ZNF546: variants seen among roughly 807,000 people sequenced by gnomAD.
ZNF546 encodes zinc finger protein 546, also known as CTC-471F3.6.
Under a neutral mutation model 76.2 loss-of-function variants are expected in ZNF546, and 60 were observed. The observed-to-expected ratio is 0.79, with a 90% CI of 0.64 to 0.98. ZNF546 has a LOEUF of 0.98. ZNF546 is among the 50% of genes least tolerant of loss of function. The pLI, the probability that ZNF546 is intolerant of heterozygous loss-of-function variation, is 0.00. For synonymous variants in ZNF546, 277 were observed against 328.1 expected (o/e 0.84, Z 1.68); for missense variants, 936 against 1,035.6 (o/e 0.90, Z 1.32).
chr19:40,007,274 G>T lies in ZNF546; in HGVS notation c.172G>T (p.Val58Leu). Residue 58 changes from valine (V) to leucine (L), a missense_variant and splice_region_variant, in exon 5 of 7, where the codon GTA becomes TTA. By Grantham distance (32) the Val-to-Leu change is conservative (BLOSUM62 1). Transcript: ENST00000347077. ...SSCGSKTMANVSLAFRDVSID... is the reference protein window; with the variant it reads ...SSCGSKTMANLSLAFRDVSID... ...TTAATACATAGGCTTGTCATTTCAG[G>T]TATCTTTGGCATTTAGGGATGTGTC... 1 of 1,533,670 alleles carries T rather than the reference G, an allele frequency of 6.5e-7. No homozygotes were observed. Among genetic ancestry groups the T allele is most frequent in the Non-Finnish European group, 8.8e-7 (1 of 1,138,522 alleles).
chr19:40,015,601 TA>T lies in ZNF546; in HGVS notation c.2334del (p.Lys778AsnfsTer58). ...TAGTTCACACGGGTGAGAAACCCTATAAATGTAAAGAATGTGGGAAAGCCTT... is the reference window on the plus strand; with the variant it reads ...TAGTTCACACGGGTGAGAAACCCTATAATGTAAAGAATGTGGGAAAGCCTT... ...HIVHTGEKPY[K>X]CKECGKAFSV... On this transcript the variant is annotated frameshift_variant, in exon 7 of 7. Transcript: ENST00000347077. LOFTEE classifies it high-confidence loss of function. 6.2e-7 allele frequency: 1 copy of T among 1,613,796 alleles called. No individual in the cohort carries two copies. Among genetic ancestry groups the T allele is most frequent in the South Asian group, 1.1e-5 (1 of 91,050 alleles).
At position 40,018,585 on chromosome 19, in the gene ZNF546, T is replaced by C. The variant is rs1340481900; in HGVS notation, c.*2804T>C. 4 of 152,228 alleles carry C rather than the reference T, an allele frequency of 2.6e-5. No homozygotes were observed. The highest frequency in any genetic ancestry group is 9.6e-5 in the African/African-American group (4 of 41,454). The allele number at this position is 152,228 out of a possible 1,614,324, so 9.4% of individuals were successfully genotyped here. A position where few individuals can be genotyped will look rare whatever the true frequency, so the allele number is the denominator to read the frequency against. ...GAGGTAGAGCTCATGGTCCTTCCTT[T>C]TGAATCTGGCCAGGTGGGCCTGTGT... On this transcript the variant is annotated 3_prime_UTR_variant, in exon 7 of 7. Transcript: ENST00000347077.
intron 5 of ZNF546, 96 bp downstream of exon 5, chr19:40,007,496 A>C: frequency 8.0e-7 from 1 of 1,256,624 alleles, no homozygotes; most frequent in Non-Finnish European, 1.0e-6. Context: ...AGGCTGACTG[A>C]CACCCCTATT....
At chr19:40,006,310 A>G (rs565688825) in intron 4 of ZNF546, 128 bp downstream of exon 4, 62,772 of 757,960 alleles carry the variant, frequency 0.083, 7,518 homozygotes, top group African/African-American at 0.45. Context: ...GTTACTCCCT[A>G]GTTACAGTGA....
Position 40,014,892 on chromosome 19 carries a change from C to A in ZNF546, c.1622C>A (p.Thr541Asn), listed in dbSNP as rs376132356. The change falls in exon 7 of 7, where the codon ACC becomes AAC. Residue 541 changes from threonine (T) to asparagine (N), a missense_variant. By Grantham distance (65) the Thr-to-Asn change is moderately conservative. Transcript: ENST00000347077. ...GKAFRLQGELTRHHRIHTCEK... is the reference protein window; with the variant it reads ...GKAFRLQGELNRHHRIHTCEK... Reference sequence around the variant, plus strand: ...GCCTTTCGTCTTCAAGGAGAACTTACCCGACATCACAGAATTCATACATGT... The same window carrying A: ...GCCTTTCGTCTTCAAGGAGAACTTAACCGACATCACAGAATTCATACATGT... 1.2e-6 allele frequency: 2 copies of A among 1,602,314 alleles called. No individual in the cohort carries two copies. The highest frequency in any genetic ancestry group is 2.7e-5 in the African/African-American group (2 of 74,706).
rs760672623 is a variant in ZNF546 at position 40,014,421 on chromosome 19, C to G, written c.1151C>G (p.Pro384Arg). The change falls in exon 7 of 7, where the codon CCC becomes CGC. Residue 384 changes from proline to arginine, a missense_variant. Pro to Arg is a moderately radical substitution (Grantham distance 103). Coordinates refer to ENST00000347077, the MANE Select transcript of ZNF546 (RefSeq NM_178544.5). ...QHQKIHTGVK[P>R]YKCNECGKAF... ...CAGAAAATTCATACTGGTGTCAAACCCTATAAATGTAATGAATGTGGGAAG... is the reference window on the plus strand; with the variant it reads ...CAGAAAATTCATACTGGTGTCAAACGCTATAAATGTAATGAATGTGGGAAG... 4.3e-6 allele frequency: 7 copies of G among 1,613,884 alleles called. No individual in the cohort carries two copies. Among genetic ancestry groups the G allele is most frequent in the Non-Finnish European group, 5.9e-6 (7 of 1,179,984 alleles).
Position 40,016,129 on chromosome 19 carries a change from G to A in ZNF546, c.*348G>A, listed in dbSNP as rs979867347. 3.8e-6 allele frequency: 1 copy of A among 264,100 alleles called. No homozygotes were observed. Among genetic ancestry groups the A allele is most frequent in the Non-Finnish European group, 7.3e-6 (1 of 136,064 alleles). 16.4% of individuals were successfully genotyped at this position (264,100 alleles called of 1,614,324 possible). On this transcript the variant is annotated 3_prime_UTR_variant, in exon 7 of 7. Transcript: ENST00000347077. ...AGACAGGAGTTCGAAACCAGCCTGG[G>A]CAACATAGTGAGACCCTGCCTCATG...
Position 40,015,391 on chromosome 19 carries a change from A to T in ZNF546, c.2121A>T (p.Arg707=). The part of the protein sequence containing the change: ...ECGNAFICSY[R]LTLHQRIHTG... Reference sequence around the variant, plus strand: ...GGAATGCTTTTATTTGCAGTTATCGACTTACATTACATCAAAGAATTCACA... The same window carrying T: ...GGAATGCTTTTATTTGCAGTTATCGTCTTACATTACATCAAAGAATTCACA... Residue 707 remains arginine, a synonymous_variant, in exon 7 of 7, where the codon CGA becomes CGT. Transcript: ENST00000347077. The T allele has an allele frequency of 8.7e-6, 14 of 1,614,236 alleles. No individual in the cohort carries two copies. Among genetic ancestry groups the T allele is most frequent in the Non-Finnish European group, 1.2e-5 (14 of 1,180,038 alleles).
chr19:39,998,965 G>A (rs1022589299), intron 3 of ZNF546, among the ~76,000 whole-genome samples: 1 of 152,034 alleles, frequency 6.6e-6, no homozygotes, highest in Non-Finnish European at 1.5e-5. Context: ...TCGAGACAGG[G>A]TTTCACCACG....
intron 6 of ZNF546, 54 bp downstream of exon 6, chr19:40,008,619 T>C: frequency 6.9e-7 from 1 of 1,443,194 alleles, no homozygotes; most frequent in Non-Finnish European, 9.7e-7. Flanking sequence ...TGACCCATGA[T>C]GTCAGGGAGG....
intron 6 of ZNF546, among the ~76,000 whole-genome samples, chr19:40,011,941 C>T (rs966040841): frequency 1.3e-5 from 2 of 152,198 alleles, no homozygotes; most frequent in Non-Finnish European, 2.9e-5. Context: ...CATTCACAGG[C>T]ACTGGGAGTT....
At chr19:39,998,049 C>T (rs1316550284) in intron 2 of ZNF546, 134 bp downstream of exon 2, 3 of 452,646 alleles carry the variant, frequency 6.6e-6, no homozygotes, top group Non-Finnish European at 1.2e-5. Context: ...TACCACAGAG[C>T]CTGTCACCTC....
chr19:40,014,795 C>G lies in ZNF546; in HGVS notation c.1525C>G (p.Arg509Gly). Residue 509 changes from arginine (R) to glycine (G), a missense_variant, in exon 7 of 7, where the codon CGC becomes GGC. By Grantham distance (125) the Arg-to-Gly change is moderately radical. Transcript: ENST00000347077. ...GGAATGTGGAAAAACCTTCAGTAGT[C>G]GCTATCATCTCACTCAACACTACAG... ...CKECGKTFSS[R>G]YHLTQHYRIH... 6.2e-7 allele frequency: 1 copy of G among 1,613,674 alleles called. No homozygotes were observed. The highest frequency in any genetic ancestry group is 8.5e-7 in the Non-Finnish European group (1 of 1,179,958).
In ZNF546 at chr19:40,015,481, T is replaced by G. The variant is rs1971751154; in HGVS notation, c.2211T>G (p.Thr737=). ...GKTFSRRYHL[T]QHFRLHTGEK... ...CCTTTAGTCGTCGGTATCATCTTAC[T>G]CAACATTTTAGACTTCATACTGGTG... The change falls in exon 7 of 7, where the codon ACT becomes ACG. Residue 737 remains threonine (T), a synonymous_variant. Transcript: ENST00000347077. 2.5e-6 allele frequency: 4 copies of G among 1,614,176 alleles called. No homozygotes were observed. The highest frequency in any genetic ancestry group is 1.1e-5 in the South Asian group (1 of 91,082).
chr19:40,014,471 G>A lies in ZNF546; in HGVS notation c.1201G>A (p.Val401Ile). The A allele has an allele frequency of 6.2e-7, 1 of 1,611,362 alleles. No individual in the cohort carries two copies. Among genetic ancestry groups the A allele is most frequent in the Non-Finnish European group, 8.5e-7 (1 of 1,179,132 alleles). ...GKAFSHGSYL[V>I]QHQKIHTGEK... ...GGCCTTTAGTCATGGCTCATACCTT[G>A]TTCAACATCAGAAAATTCATACTGG... Residue 401 changes from valine to isoleucine, a missense_variant, in exon 7 of 7, where the codon GTT becomes ATT. Physicochemically the swap from Val to Ile is conservative, Grantham distance 29. Coordinates refer to ENST00000347077, the MANE Select transcript of ZNF546 (RefSeq NM_178544.5).
At position 40,005,572 on chromosome 19, in the gene ZNF546, A is replaced by G. The variant is rs147997826; in HGVS notation, c.85-524A>G. Among the ~76,000 whole-genome samples, 1,150 of 152,214 alleles carry G rather than the reference A, an allele frequency of 7.6e-3. 9 individuals carry two copies. The highest frequency in any genetic ancestry group is 0.014 in the Middle Eastern group (4 of 294). ...ATCTGCTTCATTGTATTGAAATTTAATAAGTTCGGTGGATGATATGCTGCT... is the reference window on the plus strand; with the variant it reads ...ATCTGCTTCATTGTATTGAAATTTAGTAAGTTCGGTGGATGATATGCTGCT... On this transcript the variant is annotated intron_variant, in intron 3 of 6. Transcript: ENST00000347077.
chr19:40,004,701 G>A (rs572739708), intron 3 of ZNF546, among the ~76,000 whole-genome samples: 8 of 151,784 alleles, frequency 5.3e-5, no homozygotes, highest in Admixed American at 6.6e-5. Context: ...CCTGTCCTTC[G>A]TTCTTTCTTT....
At chr19:40,013,208 C>T (rs1372863804) in intron 6 of ZNF546, among the ~76,000 whole-genome samples, 2 of 152,146 alleles carry the variant, frequency 1.3e-5, no homozygotes, top group African/African-American at 4.8e-5. Context: ...AGCCAGGAAC[C>T]AGCAAACTAT....
rs1398744744 is a variant in ZNF546, at chr19:40,016,547, G to T, written c.*766G>T. 6.6e-6 allele frequency: 1 copy of T among 151,932 alleles called. No homozygotes were observed. The highest frequency in any genetic ancestry group is 2.4e-5 in the African/African-American group (1 of 41,352). The allele number at this position is 151,932 out of a possible 1,614,324, so 9.4% of individuals were successfully genotyped here. A position where few individuals can be genotyped will look rare whatever the true frequency, so the allele number is the denominator to read the frequency against. On this transcript the variant is annotated 3_prime_UTR_variant, in exon 7 of 7. Coordinates refer to ENST00000347077, the MANE Select transcript of ZNF546 (RefSeq NM_178544.5). ...AAATAAATAAATAAATAGATTACCA[G>T]AAAAATGAAAAGAAAAAAACAGACA...
Sources: gnomAD v4.1 joint callset for allele counts (sites outside exome capture counted in the v4.1 genomes callset) on GRCh38, gnomAD v4.1.1 for gene constraint, MANE v1.5 for transcripts, NCBI Gene and HGNC (gene_info 2026-07-23, HGNC 2026-07-21) for gene names.